The following CCDC91 variants were observed in gnomAD, a reference collection of about 807,000 sequenced individuals.
The protein encoded by CCDC91 is coiled-coil domain containing 91.
Under a neutral mutation model 63.2 loss-of-function variants are expected in CCDC91, and 48 were observed. That is an observed-to-expected ratio of 0.76 (90% CI 0.60 to 0.97). The LOEUF (loss-of-function observed/expected upper bound fraction) is 0.97. Ranked by LOEUF, CCDC91 falls within the 50% of genes least tolerant of loss-of-function variation. CCDC91 has a pLI of 0.00. For missense variants in CCDC91, 500 were observed against 494.6 expected (o/e 1.01, Z -0.10); for synonymous variants, 167 against 165.8 (o/e 1.01, Z -0.06).
chr12:28,426,044 T>C (rs1159241243), intron 8 of CCDC91, among the ~76,000 whole-genome samples: 3 of 152,220 alleles, frequency 2.0e-5, no homozygotes, highest in Non-Finnish European at 4.4e-5. Flanking sequence ...ATAAATACCA[T>C]AGTATTTTAT....
At chr12:28,403,170 G>A (rs1170663098) in intron 8 of CCDC91, among the ~76,000 whole-genome samples, 1 of 152,104 alleles carries the variant, frequency 6.6e-6, no homozygotes, top group African/African-American at 2.4e-5. Flanking sequence ...AATGAATCAG[G>A]AAGTATTCTC....
chr12:28,538,871 A>T (rs1032589663), intron 12 of CCDC91, among the ~76,000 whole-genome samples: 105 of 152,128 alleles, frequency 6.9e-4, no homozygotes, highest in African/African-American at 2.3e-3. Flanking sequence ...TGATGAGCAT[A>T]TTTTCATGTG....
At chr12:28,527,311 C>T (rs1592961789) in intron 12 of CCDC91, among the ~76,000 whole-genome samples, 1 of 152,186 alleles carries the variant, frequency 6.6e-6, no homozygotes, top group Non-Finnish European at 1.5e-5. Flanking sequence ...TGATGTAATA[C>T]TCTTCTCCTT....
At chr12:28,506,873 A>G (rs997012458) in intron 12 of CCDC91, among the ~76,000 whole-genome samples, 11 of 151,704 alleles carry the variant, frequency 7.3e-5, no homozygotes, top group African/African-American at 2.7e-4. Context: ...AAAAAAAAAA[A>G]GACAAAACCA....
chr12:28,484,925 T>A (rs1021143697), intron 12 of CCDC91, among the ~76,000 whole-genome samples: 3 of 150,954 alleles, frequency 2.0e-5, no homozygotes, highest in African/African-American at 7.3e-5. Flanking sequence ...TTACATATTA[T>A]ATAAATATAT....
At chr12:28,298,575 C>A (rs899983686) in intron 3 of CCDC91, among the ~76,000 whole-genome samples, 8 of 149,588 alleles carry the variant, frequency 5.3e-5, no homozygotes, top group African/African-American at 1.7e-4. Flanking sequence ...TTTATTTTTT[C>A]TTTGTTGTAT....
chr12:28,448,942 A>G (rs575385110), intron 8 of CCDC91, among the ~76,000 whole-genome samples: 48 of 152,196 alleles, frequency 3.2e-4, no homozygotes, highest in African/African-American at 1.1e-3. Context: ...TTAAAATCTC[A>G]GTTATTAATA....
At chr12:28,267,911 A>AAT (rs1947430965) in intron 3 of CCDC91, among the ~76,000 whole-genome samples, 1 of 95,266 alleles carries the variant, frequency 1.0e-5, no homozygotes, top group Admixed American at 1.7e-4. Flanking sequence ...ATTATATTAT[A>AAT]TATAATTATT....
At chr12:28,354,270 A>G (rs183107462) in intron 6 of CCDC91, among the ~76,000 whole-genome samples, 9 of 152,234 alleles carry the variant, frequency 5.9e-5, no homozygotes, top group East Asian at 3.9e-4. Flanking sequence ...TCTTCAGCAT[A>G]TGGCAGCATA....
chr12:28,498,843 G>A (rs1372032390), intron 12 of CCDC91, among the ~76,000 whole-genome samples: 3 of 151,558 alleles, frequency 2.0e-5, no homozygotes. Flanking sequence ...AAATAAAACA[G>A]ACAAAAATTC....
At chr12:28,474,060 C>T (rs1029549213) in intron 11 of CCDC91, among the ~76,000 whole-genome samples, 1 of 151,916 alleles carries the variant, frequency 6.6e-6, no homozygotes, top group African/African-American at 2.4e-5. Flanking sequence ...GATGATTGCT[C>T]TCCTGTTGAG....
chr12:28,345,375 A>G (rs1256625444), intron 6 of CCDC91, among the ~76,000 whole-genome samples: 1 of 152,076 alleles, frequency 6.6e-6, no homozygotes, highest in Non-Finnish European at 1.5e-5. Context: ...AATCTATTTA[A>G]TGGGTGTACT....
intron 11 of CCDC91, among the ~76,000 whole-genome samples, chr12:28,469,105 A>G (rs1441644363): frequency 6.6e-6 from 1 of 152,098 alleles, no homozygotes; most frequent in Non-Finnish European, 1.5e-5. Context: ...GACAAGAAAA[A>G]GAATAAAAGG....
At chr12:28,446,999 C>T (rs1176798682) in intron 8 of CCDC91, among the ~76,000 whole-genome samples, 1 of 152,062 alleles carries the variant, frequency 6.6e-6, no homozygotes, top group African/African-American at 2.4e-5. Flanking sequence ...GTCTCCTTTG[C>T]CCGTTGTCCT....
intron 7 of CCDC91, among the ~76,000 whole-genome samples, chr12:28,365,869 G>A (rs766397249): frequency 1.1e-4 from 16 of 152,096 alleles, no homozygotes; most frequent in Non-Finnish European, 1.8e-4. Flanking sequence ...ATCTGTTACT[G>A]TCTCACCACC....
chr12:28,431,938 A>G (rs962879139), intron 8 of CCDC91, among the ~76,000 whole-genome samples: 4 of 151,896 alleles, frequency 2.6e-5, no homozygotes, highest in African/African-American at 9.7e-5. Flanking sequence ...TACTGTCTCT[A>G]TAGTTTTGCC....
At chr12:28,195,852 C>T (rs1014036680) in intron 1 of CCDC91, among the ~76,000 whole-genome samples, 1 of 152,146 alleles carries the variant, frequency 6.6e-6, no homozygotes, top group Non-Finnish European at 1.5e-5. Context: ...TGCTTGTAAT[C>T]CCAGCACTTT....
chr12:28,540,001 G>A (rs12303534), intron 12 of CCDC91, among the ~76,000 whole-genome samples: 13,827 of 152,086 alleles, frequency 0.091, 1,930 homozygotes, highest in African/African-American at 0.3. Flanking sequence ...TTGAATACCA[G>A]GGGATTAGAA....
chr12:28,428,532 G>A (rs193293448), intron 8 of CCDC91, among the ~76,000 whole-genome samples: 66 of 127,662 alleles, frequency 5.2e-4, no homozygotes, highest in Admixed American at 4.0e-3. Context: ...TTGCACCATT[G>A]CACTCCAGCC....
Sources: gnomAD v4.1 joint callset for allele counts (sites outside exome capture counted in the v4.1 genomes callset) on GRCh38, gnomAD v4.1.1 for gene constraint, MANE v1.5 for transcripts, NCBI Gene and HGNC (gene_info 2026-07-23, HGNC 2026-07-21) for gene names.